Variants in SOX6 observed in about 807,000 individuals in gnomAD.
SOX6 encodes SRY-box transcription factor 6.
Under a neutral mutation model 97.8 loss-of-function variants are expected in SOX6, and 11 were observed. That is an observed-to-expected ratio of 0.11 (90% CI 0.07 to 0.19). The LOEUF is 0.19. Ranked by LOEUF, SOX6 falls within the 10% of genes least tolerant of loss-of-function variation. SOX6 has a pLI of 1.00. For missense variants in SOX6, 810 were observed against 1,039.5 expected (o/e 0.78, Z 3.04); for synonymous variants, 360 against 371.4 (o/e 0.97, Z 0.35).
chr11:16,737,856 A>T (rs976077083), intron 1 of SOX6, among the ~76,000 whole-genome samples: 2 of 152,170 alleles, frequency 1.3e-5, no homozygotes, highest in African/African-American at 4.8e-5. Context: ...TACACTTTTT[A>T]AAAAATGGTT....
At chr11:16,457,671 C>T (rs772498500) in intron 1 of SOX6, among the ~76,000 whole-genome samples, 1 of 151,924 alleles carries the variant, frequency 6.6e-6, no homozygotes, top group Non-Finnish European at 1.5e-5. Context: ...TTACTTAAAG[C>T]CTACACCATG....
At chr11:16,712,078 T>TACAC (rs58807051) in intron 3 of SOX6, among the ~76,000 whole-genome samples, 4,957 of 139,918 alleles carry the variant, frequency 0.035, 86 homozygotes, top group African/African-American at 0.046. Context: ...TAGTATTCCA[T>TACAC]ACACACACAC....
intron 3 of SOX6, among the ~76,000 whole-genome samples, chr11:16,278,564 C>A (rs1565065589): frequency 6.6e-6 from 1 of 151,960 alleles, no homozygotes; most frequent in Non-Finnish European, 1.5e-5. Context: ...GTGACTATTT[C>A]TCTTCCAAGT....
At chr11:16,387,739 A>C (rs1451348199) in intron 1 of SOX6, among the ~76,000 whole-genome samples, 1 of 152,108 alleles carries the variant, frequency 6.6e-6, no homozygotes, top group African/African-American at 2.4e-5. Context: ...CAATATATAA[A>C]CTTATTTTTA....
intron 2 of SOX6, among the ~76,000 whole-genome samples, chr11:16,728,784 C>T (rs942706569): frequency 1.3e-5 from 2 of 152,038 alleles, no homozygotes; most frequent in East Asian, 1.9e-4. Context: ...TAAACTCCTC[C>T]GAGCTAAAGG....
At chr11:16,666,493 T>A (rs926219636) in intron 3 of SOX6, among the ~76,000 whole-genome samples, 2 of 152,216 alleles carry the variant, frequency 1.3e-5, no homozygotes, top group Non-Finnish European at 2.9e-5. Context: ...ATTAGTGAGC[T>A]TGAAGACAGG....
chr11:16,388,104 T>G (rs1214500388), intron 1 of SOX6, among the ~76,000 whole-genome samples: 1 of 152,138 alleles, frequency 6.6e-6, no homozygotes, highest in Non-Finnish European at 1.5e-5. Flanking sequence ...CAGATAAAAA[T>G]AGTTTTATTA....
intron 3 of SOX6, among the ~76,000 whole-genome samples, chr11:16,646,893 C>A (rs559600798): frequency 1.3e-5 from 2 of 152,258 alleles, no homozygotes; most frequent in South Asian, 4.1e-4. Context: ...TTTCTCTGGG[C>A]AGATACCCAG....
At chr11:16,736,795 GCAAAAAGCAAT>G (rs1848394551) in intron 1 of SOX6, among the ~76,000 whole-genome samples, 1 of 152,188 alleles carries the variant, frequency 6.6e-6, no homozygotes, top group African/African-American at 2.4e-5. Flanking sequence ...TTTAATTCTA[GCAAAAAGCAAT>G]CAACCACTTC....
upstream of SOX6, among the ~76,000 whole-genome samples, chr11:16,481,203 G>A (rs144358413): frequency 1.9e-4 from 29 of 151,950 alleles, no homozygotes; most frequent in East Asian, 5.0e-3. Context: ...ATAATGCTTA[G>A]TTTTCTTTTT....
intron 13 of SOX6, among the ~76,000 whole-genome samples, chr11:15,994,786 A>T (rs573388953): frequency 6.6e-6 from 1 of 152,294 alleles, no homozygotes; most frequent in African/African-American, 2.4e-5. Context: ...AAATTCTGGT[A>T]ATGGCAGAAT....
chr11:16,713,301 A>G (rs1366688549), intron 3 of SOX6, among the ~76,000 whole-genome samples: 2 of 152,250 alleles, frequency 1.3e-5, no homozygotes, highest in East Asian at 3.8e-4. Flanking sequence ...ACAATGCATT[A>G]CATTGCCAAA....
At chr11:16,206,752 T>C (rs1852082324) in intron 4 of SOX6, among the ~76,000 whole-genome samples, 1 of 152,194 alleles carries the variant, frequency 6.6e-6, no homozygotes, top group Non-Finnish European at 1.5e-5. Context: ...AAAAGTAGCG[T>C]AATATAGAAA....
chr11:16,023,968 C>G (rs1855144360), intron 12 of SOX6, among the ~76,000 whole-genome samples: 1 of 152,066 alleles, frequency 6.6e-6, no homozygotes, highest in South Asian at 2.1e-4. Context: ...TTGTGTTTCC[C>G]CATAATTCAT....
rs563793743 is a variant in SOX6 at position 16,629,830 on chromosome 11, T to C, written n.430-17570A>G. Among the ~76,000 whole-genome samples, 5 of 152,122 alleles carry C rather than the reference T, an allele frequency of 3.3e-5. No individual in the cohort carries two copies. In the South Asian group the frequency reaches 1.0e-3, roughly 32 times the overall value. ...TGCTTCGTTATTCAATCATGGGAGG[T>C]TGTGTGTTTCTGGTAATTTATCAAT... On this transcript the variant is annotated intron_variant and non_coding_transcript_variant, in intron 3 of 5. Coordinates refer to the SOX6 transcript ENST00000524520.
chr11:16,463,245 T>C (rs1043604677), intron 1 of SOX6, among the ~76,000 whole-genome samples: 5 of 152,172 alleles, frequency 3.3e-5, no homozygotes, highest in Admixed American at 2.6e-4. Flanking sequence ...CTTGTCTTTA[T>C]ATATTTTTTG....
intron 3 of SOX6, among the ~76,000 whole-genome samples, chr11:16,619,485 A>G (rs1383929780): frequency 2.6e-5 from 4 of 152,036 alleles, no homozygotes; most frequent in Non-Finnish European, 4.4e-5. Context: ...TTTGGTTATT[A>G]TCCACGATGT....
intron 6 of SOX6, among the ~76,000 whole-genome samples, chr11:16,163,135 A>G (rs1850796742): frequency 1.3e-5 from 2 of 152,198 alleles, no homozygotes; most frequent in African/African-American, 4.8e-5. Context: ...ATAAAAAAGG[A>G]AGATAAAAAG....
At chr11:16,731,435 T>C (rs1848349152) in intron 2 of SOX6, among the ~76,000 whole-genome samples, 1 of 152,162 alleles carries the variant, frequency 6.6e-6, no homozygotes, top group Admixed American at 6.5e-5. Context: ...GCAAGGCTGG[T>C]TCAACATACG....
Sources: allele counts gnomAD v4.1 joint callset (sites outside exome capture counted in the v4.1 genomes callset), GRCh38; gene constraint gnomAD v4.1.1; transcripts MANE v1.5; gene names NCBI Gene and HGNC (gene_info 2026-07-23, HGNC 2026-07-21).